CD200R1L: variants seen among roughly 807,000 people sequenced by gnomAD.
CD200R1L encodes the protein CD200 receptor 1 like.
Under a neutral mutation model 24.8 loss-of-function variants are expected in CD200R1L, and 14 were observed. The observed-to-expected ratio is 0.56, with a 90% CI of 0.37 to 0.88. CD200R1L has a LOEUF of 0.88. CD200R1L is among the 40% of genes least tolerant of loss of function. The probability of loss-of-function intolerance (pLI) is 0.00; values close to 1 mark genes in which losing one functional copy is unlikely to be tolerated. For synonymous variants in CD200R1L, 111 were observed against 109.2 expected, an observed-to-expected ratio of 1.02 and a Z score of -0.11; for missense variants, 299 against 297.8, an observed-to-expected ratio of 1.00 and a Z score of -0.03.
intron 3 of CD200R1L, among the ~76,000 whole-genome samples, chr3:112,834,303 C>T (rs1284806185): frequency 1.3e-5 from 2 of 148,574 alleles, no homozygotes; most frequent in Non-Finnish European, 3.0e-5. Flanking sequence ...AGTGGCATGA[C>T]CTCGGCTCAC....
At chr3:112,823,731 C>T (rs971998280) in intron 6 of CD200R1L, among the ~76,000 whole-genome samples, 1 of 152,120 alleles carries the variant, frequency 6.6e-6, no homozygotes. Flanking sequence ...CAATGTCAAA[C>T]GAAGTCTTAA....
chr3:112,833,393 G>C (rs1448742030), intron 3 of CD200R1L, among the ~76,000 whole-genome samples: 1 of 152,206 alleles, frequency 6.6e-6, no homozygotes, highest in Non-Finnish European at 1.5e-5. Flanking sequence ...TGCAGGCCTA[G>C]GGTTCTGGGG....
chr3:112,821,053 T>C (rs144502976), intron 6 of CD200R1L, among the ~76,000 whole-genome samples: 12,198 of 144,298 alleles, frequency 0.085, 615 homozygotes, highest in Middle Eastern at 0.16. Context: ...TGAGACTCTG[T>C]CTCAAAAAAA....
chr3:112,840,930 GT>G (rs1336660699), intron 2 of CD200R1L, among the ~76,000 whole-genome samples: 1 of 152,098 alleles, frequency 6.6e-6, no homozygotes, highest in Non-Finnish European at 1.5e-5. Flanking sequence ...AATTGTGGTT[GT>G]TTTGATTCTT....
intron 2 of CD200R1L, among the ~76,000 whole-genome samples, chr3:112,841,937 A>G (rs2107354221): frequency 6.6e-6 from 1 of 152,360 alleles, no homozygotes; most frequent in Non-Finnish European, 1.5e-5. Flanking sequence ...TGAGAAGAGT[A>G]AGGAGTAGGT....
intron 2 of CD200R1L, chr3:112,841,354 A>C (rs1179316898): frequency 9.5e-6 from 4 of 420,024 alleles, no homozygotes; most frequent in South Asian, 1.7e-5. Flanking sequence ...CCTGTGGAAC[A>C]GTGAGCCAAT....
At chr3:112,845,357 CA>C (rs1237731808) in intron 2 of CD200R1L, among the ~76,000 whole-genome samples, 2 of 152,136 alleles carry the variant, frequency 1.3e-5, no homozygotes, top group Non-Finnish European at 2.9e-5. Flanking sequence ...AAACCCTAAG[CA>C]AACTAATAAC....
At chr3:112,821,961 G>A (rs1938547685) in intron 6 of CD200R1L, among the ~76,000 whole-genome samples, 1 of 152,190 alleles carries the variant, frequency 6.6e-6, no homozygotes, top group Non-Finnish European at 1.5e-5. Flanking sequence ...AAGTTTTAAA[G>A]ATGAGTTTAC....
intron 6 of CD200R1L, 98 bp downstream of exon 6, chr3:112,826,895 G>A: frequency 7.3e-7 from 1 of 1,370,476 alleles, no homozygotes; most frequent in Non-Finnish European, 9.9e-7. Context: ...CAAGCTAGGA[G>A]CTCAAATTTT....
Position 112,836,992 on chromosome 3 carries a change from C to A in CD200R1L, c.-18+950G>T, listed in dbSNP as rs562065597. ...CCTTAAAGGCTTAAAGTGATGTAAA[C>A]TATTTCTCTTACATAGCAATCTAAG... is the stretch of plus-strand genomic sequence containing the variant. On this transcript the variant is annotated intron_variant, in intron 3 of 7. Transcript: ENST00000488794. 1.1e-3 allele frequency among the ~76,000 whole-genome samples: 160 copies of A among 152,304 alleles called. 2 individuals carry two copies. In the South Asian group the frequency reaches 0.022, roughly 21 times the overall value.
intron 4 of CD200R1L, 75 bp downstream of exon 4, chr3:112,829,244 G>T: frequency 8.6e-7 from 1 of 1,167,970 alleles, no homozygotes; most frequent in Non-Finnish European, 1.3e-6. Context: ...CTCCAGCCAG[G>T]CCATCAGCTA....
Position 112,845,787 on chromosome 3 carries a change from C to G in CD200R1L, c.-195G>C. The G allele has an allele frequency of 7.5e-7, 1 of 1,341,800 alleles. No homozygotes were observed. The highest frequency in any genetic ancestry group is 1.1e-6 in the Non-Finnish European group (1 of 937,532). 83.1% of individuals were successfully genotyped at this position (1,341,800 alleles called of 1,614,324 possible). ...AAACATAAATCCACTTTAAATCAATCAACAGACTTGGTGAATCTGTTTCTC... is the reference window on the plus strand; with the variant it reads ...AAACATAAATCCACTTTAAATCAATGAACAGACTTGGTGAATCTGTTTCTC... On this transcript the variant is annotated 5_prime_UTR_variant, in exon 2 of 8. The change abolishes the stop of an existing upstream ORF in the 5' untranslated region. Transcript: ENST00000488794.
chr3:112,845,951 C>A lies in CD200R1L; in HGVS notation c.-358-1G>T. 1.9e-6 allele frequency: 1 copy of A among 517,966 alleles called. No individual in the cohort carries two copies. Among genetic ancestry groups the A allele is most frequent in the Non-Finnish European group, 3.4e-6 (1 of 292,278 alleles). 32.1% of individuals were successfully genotyped at this position (517,966 alleles called of 1,614,324 possible). A position where few individuals can be genotyped will look rare whatever the true frequency, so the allele number is the denominator to read the frequency against. On this transcript the variant is annotated splice_acceptor_variant, in intron 1 of 7. Coordinates refer to ENST00000488794, the MANE Select transcript of CD200R1L (RefSeq NM_001199215.3). LOFTEE classifies it low-confidence loss of function (5UTR_SPLICE). ...TGATGGGAAATGTCAGTGAGTTTTG[C>A]TGTGTAATAAAGCAAAAAAGCCAAT...
intron 7 of CD200R1L, among the ~76,000 whole-genome samples, chr3:112,817,687 G>T (rs188276234): frequency 1.3e-5 from 2 of 152,236 alleles, no homozygotes; most frequent in Admixed American, 6.5e-5. Context: ...ACACTGAGAT[G>T]TAGGGCCTGT....
chr3:112,838,038 G>T, intron 2 of CD200R1L, 28 bp from the exon 3 acceptor site: 1 of 1,081,882 alleles, frequency 9.2e-7, no homozygotes. Flanking sequence ...AAGAAATATG[G>T]AGAAAATTAA....
At chr3:112,841,940 G>C (rs540548608) in intron 2 of CD200R1L, among the ~76,000 whole-genome samples, 1 of 152,342 alleles carries the variant, frequency 6.6e-6, no homozygotes, top group East Asian at 1.9e-4. Context: ...GAAGAGTAAG[G>C]AGTAGGTTTG....
chr3:112,836,465 T>C (rs1171559186), intron 3 of CD200R1L, among the ~76,000 whole-genome samples: 2 of 152,220 alleles, frequency 1.3e-5, no homozygotes, highest in Non-Finnish European at 2.9e-5. Flanking sequence ...CAGCTTTAAT[T>C]GTAAATCATT....
intron 2 of CD200R1L, among the ~76,000 whole-genome samples, chr3:112,843,535 G>A (rs1383503978): frequency 6.6e-6 from 1 of 152,188 alleles, no homozygotes; most frequent in Non-Finnish European, 1.5e-5. Flanking sequence ...TTGCCACTAG[G>A]CCAATCTTAC....
intron 6 of CD200R1L, among the ~76,000 whole-genome samples, chr3:112,823,944 G>C (rs1422562182): frequency 6.6e-6 from 1 of 152,178 alleles, no homozygotes; most frequent in Non-Finnish European, 1.5e-5. Flanking sequence ...TTGTCAAAGT[G>C]TTTAGCTCAA....
Sources: allele counts gnomAD v4.1 joint callset (sites outside exome capture counted in the v4.1 genomes callset), GRCh38; gene constraint gnomAD v4.1.1; transcripts MANE v1.5; gene names NCBI Gene and HGNC (gene_info 2026-07-23, HGNC 2026-07-21).